Variants in ZFAND3 observed in about 807,000 individuals in gnomAD.
ZFAND3 encodes the protein AN1-type zinc finger protein 3.
ZFAND3 carries 10 observed loss-of-function variants against 29.6 expected under a neutral mutation model. The observed-to-expected ratio is 0.34, with a 90% CI of 0.21 to 0.57. ZFAND3 has a LOEUF of 0.57. Among genes scored for constraint, ZFAND3 ranks in the 20% least tolerant of loss-of-function variants. The pLI is 0.86. For synonymous variants in ZFAND3, 128 were observed against 112.6 expected (o/e 1.14, Z -0.87); for missense variants, 230 against 304.5 (o/e 0.76, Z 1.82).
chr6:38,093,383 T>C (rs1353197015), intron 4 of ZFAND3, among the ~76,000 whole-genome samples: 1 of 152,200 alleles, frequency 6.6e-6, no homozygotes. Flanking sequence ...GAAAACTTGA[T>C]TGAAACTATT....
intron 2 of ZFAND3, among the ~76,000 whole-genome samples, chr6:38,009,661 C>T (rs536384430): frequency 1.3e-5 from 2 of 152,004 alleles, no homozygotes; most frequent in African/African-American, 4.8e-5. Context: ...AGGAGGTTTC[C>T]CAGGAAGTTC....
chr6:37,885,249 C>A (rs867189509), intron 1 of ZFAND3, among the ~76,000 whole-genome samples: 1 of 152,098 alleles, frequency 6.6e-6, no homozygotes, highest in African/African-American at 2.4e-5. Flanking sequence ...ATTGAGGTGA[C>A]TATAAAGAGC....
At chr6:37,988,147 G>A (rs989382198) in intron 2 of ZFAND3, among the ~76,000 whole-genome samples, 1 of 152,138 alleles carries the variant, frequency 6.6e-6, no homozygotes, top group Admixed American at 6.5e-5. Flanking sequence ...GAAAAAACTG[G>A]AAGCAAAGTT....
chr6:37,940,830 A>G (rs760983742), intron 2 of ZFAND3, among the ~76,000 whole-genome samples: 1 of 152,264 alleles, frequency 6.6e-6, no homozygotes, highest in Non-Finnish European at 1.5e-5. Flanking sequence ...GGCTTGAAGA[A>G]AAAGAAAAAT....
At chr6:37,896,514 T>TTTC (rs1554153804) in intron 1 of ZFAND3, among the ~76,000 whole-genome samples, 7 of 109,100 alleles carry the variant, frequency 6.4e-5, no homozygotes, top group Admixed American at 2.0e-4. Context: ...TTCCTCTTTC[T>TTTC]TTTCTTTCTT....
chr6:38,022,364 G>A (rs1763368896), intron 2 of ZFAND3, among the ~76,000 whole-genome samples: 1 of 152,224 alleles, frequency 6.6e-6, no homozygotes, highest in Non-Finnish European at 1.5e-5. Context: ...GCCTGATCAT[G>A]ATTTTAATGT....
intron 2 of ZFAND3, among the ~76,000 whole-genome samples, chr6:37,963,004 A>G (rs1331822993): frequency 1.3e-5 from 2 of 151,936 alleles, no homozygotes; most frequent in Non-Finnish European, 2.9e-5. Context: ...CTGCGGCTTC[A>G]CTCCTGAAGT....
chr6:38,141,583 T>TTA (rs1765956255), intron 5 of ZFAND3, among the ~76,000 whole-genome samples: 1 of 152,262 alleles, frequency 6.6e-6, no homozygotes, highest in Admixed American at 6.5e-5. Flanking sequence ...TAGCATGCAT[T>TTA]TATAGTCTGT....
At chr6:38,064,436 C>T (rs1398132885) in intron 3 of ZFAND3, among the ~76,000 whole-genome samples, 1 of 152,172 alleles carries the variant, frequency 6.6e-6, no homozygotes, top group African/African-American at 2.4e-5. Context: ...AAGTAATTTG[C>T]CTGTGGTCAC....
At chr6:37,976,926 C>T (rs1298386373) in intron 2 of ZFAND3, among the ~76,000 whole-genome samples, 4 of 152,108 alleles carry the variant, frequency 2.6e-5, no homozygotes, top group African/African-American at 4.8e-5. Flanking sequence ...GGACACAGAG[C>T]CAAACCATAT....
At chr6:37,845,339 T>G (rs2127376398) in intron 1 of ZFAND3, among the ~76,000 whole-genome samples, 1 of 152,318 alleles carries the variant, frequency 6.6e-6, no homozygotes, top group South Asian at 2.1e-4. Flanking sequence ...ATTTTTTTTT[T>G]GTTTTTTAAT....
At chr6:37,958,516 A>AT (rs1762140834) in intron 2 of ZFAND3, among the ~76,000 whole-genome samples, 1 of 151,920 alleles carries the variant, frequency 6.6e-6, no homozygotes. Flanking sequence ...TGTAAATGAG[A>AT]TTTTTAAAAA....
At position 37,918,272 on chromosome 6, in the gene ZFAND3, T is replaced by G. The variant is rs565580045; in HGVS notation, c.72-11687T>G. On this transcript the variant is annotated intron_variant, in intron 1 of 5. Coordinates refer to ENST00000287218, the MANE Select transcript of ZFAND3 (RefSeq NM_021943.3). Reference sequence around the variant, plus strand: ...TTGTATTTTTAGTAGAGATGGGGTTTCACCATATTAGCCAGGATGGTCTCG... The same window carrying G: ...TTGTATTTTTAGTAGAGATGGGGTTGCACCATATTAGCCAGGATGGTCTCG... 3.7e-4 allele frequency among the ~76,000 whole-genome samples: 57 copies of G among 152,246 alleles called. 1 individual carries two copies. The highest frequency in any genetic ancestry group is 1.3e-3 in the African/African-American group (55 of 41,536).
At chr6:38,114,528 G>T (rs941659173) in intron 4 of ZFAND3, among the ~76,000 whole-genome samples, 2 of 152,212 alleles carry the variant, frequency 1.3e-5, no homozygotes, top group Non-Finnish European at 2.9e-5. Flanking sequence ...GGGGCAAAAT[G>T]TCATGTAGGA....
At position 38,084,017 on chromosome 6, in the gene ZFAND3, A is replaced by T. The variant is rs188499309; in HGVS notation, c.361+1560A>T. ...TTTTCCTCTTTTACAGATGAAAAAA[A>T]TGTAGGCACTCATAAACTTAAGTAT... On this transcript the variant is annotated intron_variant, in intron 4 of 5. Transcript: ENST00000287218. 2.0e-5 allele frequency among the ~76,000 whole-genome samples: 3 copies of T among 152,308 alleles called. No homozygotes were observed. In the East Asian group the frequency reaches 5.8e-4, roughly 29 times the overall value.
intron 3 of ZFAND3, 57 bp downstream of exon 3, chr6:38,061,832 G>T: frequency 1.3e-6 from 2 of 1,575,536 alleles, no homozygotes; most frequent in South Asian, 1.2e-5. Flanking sequence ...CTTTAGATGA[G>T]CATCTTGGTA....
At chr6:38,136,035 G>A (rs763388800) in intron 5 of ZFAND3, among the ~76,000 whole-genome samples, 23 of 152,184 alleles carry the variant, frequency 1.5e-4, no homozygotes, top group Non-Finnish European at 2.5e-4. Context: ...GACTAGAAAT[G>A]TCTGGAAATG....
At chr6:37,949,056 C>T (rs918701214) in intron 2 of ZFAND3, among the ~76,000 whole-genome samples, 8 of 152,086 alleles carry the variant, frequency 5.3e-5, no homozygotes, top group African/African-American at 1.2e-4. Context: ...TCTTCAGTGG[C>T]GGTACTAATT....
At chr6:37,992,023 A>G (rs1001177054) in intron 2 of ZFAND3, among the ~76,000 whole-genome samples, 1 of 152,192 alleles carries the variant, frequency 6.6e-6, no homozygotes, top group African/African-American at 2.4e-5. Context: ...TAAATGGACA[A>G]TGTGATTTGC....
Sources: allele counts gnomAD v4.1 joint callset (sites outside exome capture counted in the v4.1 genomes callset), GRCh38; gene constraint gnomAD v4.1.1; transcripts MANE v1.5; gene names NCBI Gene and HGNC (gene_info 2026-07-23, HGNC 2026-07-21).